The following KCNIP4 variants were observed in gnomAD, a reference collection of about 807,000 sequenced individuals.
KCNIP4 encodes Kv channel-interacting protein 4.
In KCNIP4, 12 loss-of-function variants were observed where a neutral mutation model predicts 34.0. That is an observed-to-expected ratio of 0.35 (90% CI 0.23 to 0.57). The LOEUF (loss-of-function observed/expected upper bound fraction) is 0.57, where lower values mean the gene tolerates loss of function less well. KCNIP4 is among the 20% of genes least tolerant of loss of function. The pLI is 0.83. For missense variants in KCNIP4, 238 were observed against 311.7 expected (o/e 0.76, Z 1.78); for synonymous variants, 124 against 102.2 (o/e 1.21, Z -1.29).
intron 1 of KCNIP4, among the ~76,000 whole-genome samples, chr4:21,451,573 A>T (rs1728508383): frequency 6.6e-6 from 1 of 152,192 alleles, no homozygotes; most frequent in South Asian, 2.1e-4. Flanking sequence ...AATGTCCTTT[A>T]AGTTGTAACA....
At chr4:20,922,520 T>A (rs989609897) in intron 1 of KCNIP4, among the ~76,000 whole-genome samples, 2 of 81,096 alleles carry the variant, frequency 2.5e-5, no homozygotes, top group African/African-American at 9.0e-5. Context: ...AGTGTGACTG[T>A]CTGTCTGTCT....
intron 1 of KCNIP4, among the ~76,000 whole-genome samples, chr4:21,587,675 T>C (rs578057171): frequency 3.3e-5 from 5 of 152,200 alleles, no homozygotes; most frequent in African/African-American, 9.6e-5. Flanking sequence ...CATTCTGATA[T>C]TGGGTCAGGT....
intron 1 of KCNIP4, among the ~76,000 whole-genome samples, chr4:21,684,330 G>A (rs1259019740): frequency 6.6e-6 from 1 of 152,012 alleles, no homozygotes; most frequent in Non-Finnish European, 1.5e-5. Context: ...TGGTCAAATT[G>A]ATATACCTAC....
intron 3 of KCNIP4, among the ~76,000 whole-genome samples, chr4:20,761,339 A>G (rs941892718): frequency 2.0e-5 from 3 of 152,208 alleles, no homozygotes; most frequent in Admixed American, 2.0e-4. Flanking sequence ...GAAGGACCCT[A>G]ATACATAAAT....
chr4:21,375,582 T>G (rs902543637), intron 1 of KCNIP4, among the ~76,000 whole-genome samples: 5 of 152,088 alleles, frequency 3.3e-5, no homozygotes, highest in Admixed American at 2.0e-4. Flanking sequence ...TTTTTTTTTT[T>G]TTGAGACAGA....
intron 1 of KCNIP4, among the ~76,000 whole-genome samples, chr4:21,292,696 C>T (rs1378141910): frequency 6.6e-6 from 1 of 152,130 alleles, no homozygotes; most frequent in African/African-American, 2.4e-5. Flanking sequence ...TTCACCTCAC[C>T]CTACTTCATA....
intron 1 of KCNIP4, among the ~76,000 whole-genome samples, chr4:21,724,019 G>A (rs960383970): frequency 6.6e-6 from 1 of 152,064 alleles, no homozygotes; most frequent in African/African-American, 2.4e-5. Flanking sequence ...AGGGAAGATT[G>A]TCAGGATGGG....
At chr4:21,356,310 G>A (rs1018709769) in intron 1 of KCNIP4, among the ~76,000 whole-genome samples, 12 of 152,168 alleles carry the variant, frequency 7.9e-5, no homozygotes, top group Non-Finnish European at 1.6e-4. Context: ...AGTATTGGAA[G>A]TTGTGGCCAG....
intron 1 of KCNIP4, among the ~76,000 whole-genome samples, chr4:21,917,197 T>C (rs994489374): frequency 7.2e-5 from 11 of 152,188 alleles, no homozygotes; most frequent in South Asian, 2.1e-4. Context: ...TGCAATGGTG[T>C]GGTCTCGGCT....
chr4:21,730,884 G>A (rs772672325), intron 1 of KCNIP4, among the ~76,000 whole-genome samples: 6 of 152,060 alleles, frequency 3.9e-5, no homozygotes, highest in Non-Finnish European at 7.4e-5. Context: ...AGGCCAAGGC[G>A]GGCAAATAGC....
At chr4:20,916,416 C>T (rs779610824) in intron 1 of KCNIP4, 1 of 850,174 alleles carries the variant, frequency 1.2e-6, no homozygotes, top group Non-Finnish European at 1.4e-6. Flanking sequence ...GCTTTATGCA[C>T]TAATAGAAAA....
At chr4:21,413,728 A>G (rs1724706907) in intron 1 of KCNIP4, among the ~76,000 whole-genome samples, 1 of 152,222 alleles carries the variant, frequency 6.6e-6, no homozygotes, top group African/African-American at 2.4e-5. Flanking sequence ...GGAAGGAATG[A>G]ATCTTCAGCT....
At chr4:21,909,006 T>C (rs372878271) in intron 1 of KCNIP4, among the ~76,000 whole-genome samples, 1 of 152,108 alleles carries the variant, frequency 6.6e-6, no homozygotes, top group Non-Finnish European at 1.5e-5. Flanking sequence ...ATTAGATTAA[T>C]GTCCATCTTA....
chr4:21,841,416 T>C (rs777511148), intron 1 of KCNIP4, among the ~76,000 whole-genome samples: 7 of 152,222 alleles, frequency 4.6e-5, no homozygotes, highest in Non-Finnish European at 8.8e-5. Context: ...TACAATTTTA[T>C]AAGAATTTAT....
At chr4:21,499,218 C>T (rs1395675429) in intron 1 of KCNIP4, among the ~76,000 whole-genome samples, 2 of 151,570 alleles carry the variant, frequency 1.3e-5, no homozygotes, top group African/African-American at 4.9e-5. Context: ...GTAATCCCAG[C>T]TACTCAGGAG....
intron 1 of KCNIP4, among the ~76,000 whole-genome samples, chr4:21,421,330 T>C (rs1725434872): frequency 6.6e-6 from 1 of 152,198 alleles, no homozygotes; most frequent in Non-Finnish European, 1.5e-5. Flanking sequence ...CTCATGTTCA[T>C]GGTAGCATTA....
At chr4:21,773,759 G>GTTTTTTTT (rs1560704204) in intron 1 of KCNIP4, among the ~76,000 whole-genome samples, 2 of 58,382 alleles carry the variant, frequency 3.4e-5, no homozygotes, top group African/African-American at 1.6e-4. Context: ...TTTTTTTTTT[G>GTTTTTTTT]TTTGTTTGTT....
chr4:21,605,138 C>T (rs1743539816), intron 1 of KCNIP4, among the ~76,000 whole-genome samples: 1 of 152,282 alleles, frequency 6.6e-6, no homozygotes, highest in African/African-American at 2.4e-5. Flanking sequence ...GGCTCAGAAG[C>T]TAAGAGACCA....
intron 1 of KCNIP4, among the ~76,000 whole-genome samples, chr4:21,353,057 T>C (rs981821129): frequency 1.3e-5 from 2 of 152,086 alleles, no homozygotes; most frequent in Admixed American, 6.6e-5. Context: ...CTGAGGGATC[T>C]GACTGTTAGA....
Sources: allele counts gnomAD v4.1 joint callset (sites outside exome capture counted in the v4.1 genomes callset), GRCh38; gene constraint gnomAD v4.1.1; transcripts MANE v1.5; gene names NCBI Gene and HGNC (gene_info 2026-07-23, HGNC 2026-07-21).